The following ZNF487 variants were observed in gnomAD, a reference collection of about 807,000 sequenced individuals.
ZNF487 encodes KRAB domain only 1.
In ZNF487, 4 loss-of-function variants were observed where a neutral mutation model predicts 3.0. That is an observed-to-expected ratio of 1.35 (90% confidence interval 0.66 to 3.08). The LOEUF (loss-of-function observed/expected upper bound fraction) is 3.08. Ranked by LOEUF, ZNF487 falls within the 30% of genes most tolerant of loss-of-function variation. ZNF487 has a pLI of 0.01. For synonymous variants in ZNF487, 55 were observed against 34.6 expected (o/e 1.59, Z -2.06); for missense variants, 146 against 98.7 (o/e 1.48, Z -2.03).
chr10:43,498,941 CAAA>C, the ZNF487 span, among the ~76,000 whole-genome samples: 11 of 86,486 alleles, frequency 1.3e-4, no homozygotes, highest in Admixed American at 2.6e-4. Flanking sequence ...GACTCCGTCT[CAAA>C]AAAAAAAAAA....
chr10:43,454,665 T>C (rs111987149), intron 1 of ZNF487: 2 of 152,298 alleles, frequency 1.3e-5, no homozygotes, highest in African/African-American at 4.8e-5. Flanking sequence ...TTAAAATTGA[T>C]TTTGATGTAC....
At chr10:43,515,402 G>T in the ZNF487 span, among the ~76,000 whole-genome samples, 1 of 152,300 alleles carries the variant, frequency 6.6e-6, no homozygotes, top group African/African-American at 2.4e-5. Context: ...AGGTGGAAAG[G>T]CTGATGGCAG....
the ZNF487 span, among the ~76,000 whole-genome samples, chr10:43,504,978 T>C: frequency 1.1e-4 from 17 of 152,228 alleles, no homozygotes; most frequent in African/African-American, 4.1e-4. Context: ...AGTGTTGGGA[T>C]TACAGGCGTG....
At chr10:43,439,845 A>T (rs944209250) in intron 1 of ZNF487, among the ~76,000 whole-genome samples, 18 of 152,204 alleles carry the variant, frequency 1.2e-4, no homozygotes, top group African/African-American at 4.3e-4. Context: ...AATCTGAAGT[A>T]GTCAAATTCA....
downstream of ZNF487, among the ~76,000 whole-genome samples, chr10:43,487,559 C>A (rs1015582303): frequency 6.6e-6 from 1 of 151,816 alleles, no homozygotes. Flanking sequence ...AGGAAATTCG[C>A]CTGCCTCAGC....
At chr10:43,492,139 G>GT in the ZNF487 span, among the ~76,000 whole-genome samples, 6 of 151,738 alleles carry the variant, frequency 4.0e-5, no homozygotes, top group African/African-American at 7.3e-5. Flanking sequence ...TGAAGATGGG[G>GT]TTTTGCCACA....
chr10:43,491,256 C>A, the ZNF487 span, among the ~76,000 whole-genome samples: 1 of 151,744 alleles, frequency 6.6e-6, no homozygotes, highest in Non-Finnish European at 1.5e-5. Context: ...TTACAGGCCT[C>A]TACTTCGTTT....
upstream of ZNF487, chr10:43,437,009 C>G: frequency 2.6e-6 from 1 of 385,484 alleles, no homozygotes; most frequent in Non-Finnish European, 5.5e-6. Flanking sequence ...GCCGAGCCCC[C>G]GCTAGGCACG....
chr10:43,474,413 C>T (rs966587690), intron 1 of ZNF487, among the ~76,000 whole-genome samples: 1 of 151,424 alleles, frequency 6.6e-6, no homozygotes, highest in Admixed American at 6.6e-5. Flanking sequence ...GAGATCGTGC[C>T]ATTGCACTAC....
At chr10:43,465,247 C>A (rs1253467220) in intron 1 of ZNF487, among the ~76,000 whole-genome samples, 4 of 150,246 alleles carry the variant, frequency 2.7e-5, no homozygotes, top group Admixed American at 2.6e-4. Context: ...GGGCTGATCC[C>A]CTCACCTCCC....
the ZNF487 span, among the ~76,000 whole-genome samples, chr10:43,499,871 G>A: frequency 6.6e-6 from 1 of 152,010 alleles, no homozygotes; most frequent in Non-Finnish European, 1.5e-5. Context: ...CTAAGCACCA[G>A]TCATCTATTT....
chr10:43,498,099 ATTTTTTTTTTT>A, the ZNF487 span, among the ~76,000 whole-genome samples: 193 of 20,136 alleles, frequency 9.6e-3, 2 homozygotes, highest in African/African-American at 0.019. Context: ...ATATATATAT[ATTTTTTTTTTT>A]TTTCTTTTTT....
At chr10:43,443,841 T>C (rs1165434320) in intron 1 of ZNF487, among the ~76,000 whole-genome samples, 2 of 150,960 alleles carry the variant, frequency 1.3e-5, no homozygotes, top group African/African-American at 4.9e-5. Flanking sequence ...TGTCTTTTTG[T>C]ATATTGCTTG....
intron 1 of ZNF487, among the ~76,000 whole-genome samples, chr10:43,463,697 T>C (rs971233787): frequency 1.1e-4 from 10 of 94,858 alleles, no homozygotes; most frequent in African/African-American, 4.0e-4. Context: ...GCCTCACAAC[T>C]GTTTTTCTTT....
chr10:43,446,920 G>T (rs1391316131), intron 1 of ZNF487, among the ~76,000 whole-genome samples: 1 of 152,162 alleles, frequency 6.6e-6, no homozygotes, highest in Non-Finnish European at 1.5e-5. Flanking sequence ...CACTGAGTGA[G>T]CGAGACTCTG....
Position 43,464,995 on chromosome 10 carries a change from G to T in ZNF487, c.-93-10726G>T, listed in dbSNP as rs1400204681. ...CCGGATGGGGCGGCTGGCTGGGCGG[G>T]GGCTGACCCCCCCACCTCCCTCCCG... On this transcript the variant is annotated intron_variant, in intron 1 of 3. Coordinates refer to ENST00000437590, the MANE Select transcript of ZNF487 (RefSeq NM_001355444.3). Among the ~76,000 whole-genome samples the T allele has an allele frequency of 3.5e-5, 5 of 142,752 alleles. No individual in the cohort carries two copies. In the East Asian group the frequency reaches 9.9e-4, roughly 28 times the overall value. 93.7% of individuals were successfully genotyped at this position (142,752 alleles called of 152,430 possible).
At chr10:43,483,934 G>A (rs941962375), downstream of ZNF487, among the ~76,000 whole-genome samples, 6 of 151,852 alleles carry the variant, frequency 4.0e-5, no homozygotes, top group Non-Finnish European at 5.9e-5. Context: ...TCACTGCAAC[G>A]TCCGCCTCCC....
chr10:43,456,956 C>G (rs1310641871), intron 1 of ZNF487, among the ~76,000 whole-genome samples: 1 of 152,188 alleles, frequency 6.6e-6, no homozygotes, highest in African/African-American at 2.4e-5. Flanking sequence ...ATACCGAGAG[C>G]TTCCCATACT....
At chr10:43,508,300 G>C in the ZNF487 span, among the ~76,000 whole-genome samples, 1 of 152,192 alleles carries the variant, frequency 6.6e-6, no homozygotes, top group Non-Finnish European at 1.5e-5. Context: ...CTCCTTGTCT[G>C]TATGTTTTTA....
Sources: allele counts gnomAD v4.1 joint callset (sites outside exome capture counted in the v4.1 genomes callset), GRCh38; gene constraint gnomAD v4.1.1; transcripts MANE v1.5; gene names NCBI Gene and HGNC (gene_info 2026-07-23, HGNC 2026-07-21).